TMEM236: variants seen among roughly 807,000 people sequenced by gnomAD.
TMEM236 encodes the protein transmembrane protein 236, also known as family with sequence similarity 23, member A.
TMEM236 carries 11 observed loss-of-function variants against 14.7 expected under a neutral mutation model. The ratio of observed to expected loss-of-function variants is 0.75; its 90% CI spans 0.47 to 1.24. TMEM236 has a LOEUF of 1.24. Ranked by LOEUF, TMEM236 falls within the 50% of genes most tolerant of loss-of-function variation. The pLI, the probability that TMEM236 is intolerant of heterozygous loss-of-function variation, is 0.00. For missense variants in TMEM236, 464 were observed against 427.3 expected, an observed-to-expected ratio of 1.09 and a Z score of -0.76; for synonymous variants, 182 against 168.6, an observed-to-expected ratio of 1.08 and a Z score of -0.62.
intron 3 of TMEM236, among the ~76,000 whole-genome samples, chr10:17,788,794 T>C (rs1334533372): frequency 1.3e-5 from 2 of 152,312 alleles, no homozygotes; most frequent in Admixed American, 1.3e-4. Flanking sequence ...AACAATCTCA[T>C]GCTTTCTGTA....
At chr10:17,773,150 T>C (rs1484394173) in intron 2 of TMEM236, among the ~76,000 whole-genome samples, 2 of 152,210 alleles carry the variant, frequency 1.3e-5, no homozygotes, top group African/African-American at 4.8e-5. Context: ...ATATGTCTTT[T>C]GGTGTGCATG....
chr10:17,761,535 A>C (rs1304886068), intron 1 of TMEM236, among the ~76,000 whole-genome samples: 1 of 152,046 alleles, frequency 6.6e-6, no homozygotes, highest in Non-Finnish European at 1.5e-5. Flanking sequence ...TCTACTAAAA[A>C]ATACAAAAGT....
At chr10:17,758,148 T>C (rs968126078) in intron 1 of TMEM236, among the ~76,000 whole-genome samples, 3 of 152,222 alleles carry the variant, frequency 2.0e-5, no homozygotes, top group South Asian at 2.1e-4. Context: ...TGGGGTAATA[T>C]ATAGGGTGTC....
chr10:17,781,025 C>T (rs2131757044), intron 3 of TMEM236, among the ~76,000 whole-genome samples: 1 of 152,264 alleles, frequency 6.6e-6, no homozygotes. Context: ...TGGCTGGTGC[C>T]ATGTTGCCTG....
At chr10:17,767,308 A>G (rs1309157984) in intron 1 of TMEM236, among the ~76,000 whole-genome samples, 1 of 152,112 alleles carries the variant, frequency 6.6e-6, no homozygotes, top group African/African-American at 2.4e-5. Flanking sequence ...TAAAAATACA[A>G]AAATTAGCCA....
At position 17,796,330 on chromosome 10, in the gene TMEM236, C is replaced by G; in HGVS notation, c.882C>G (p.Val294=). 1 of 1,613,960 alleles carries G rather than the reference C, an allele frequency of 6.2e-7. No individual in the cohort carries two copies. Among genetic ancestry groups the G allele is most frequent in the East Asian group, 2.2e-5 (1 of 44,886 alleles). ...ACCCTCTTCTCAATTCCCTGAGCGT[C>G]CTGCTGCAAGATTTACCATTCGTTT... ...PQNPLLNSLS[V]LLQDLPFVFV... is the part of the protein sequence containing the mutation. The change falls in exon 4 of 4, where the codon GTC becomes GTG. Residue 294 remains valine, a synonymous_variant. Transcript: ENST00000377495.
At chr10:17,762,371 C>T (rs1386873470) in intron 1 of TMEM236, among the ~76,000 whole-genome samples, 1 of 151,604 alleles carries the variant, frequency 6.6e-6, no homozygotes, top group African/African-American at 2.4e-5. Context: ...CTCAGTGACA[C>T]CCTGATGTCC....
At chr10:17,768,615 G>A (rs1300535483) in intron 1 of TMEM236, among the ~76,000 whole-genome samples, 2 of 152,024 alleles carry the variant, frequency 1.3e-5, no homozygotes, top group South Asian at 4.1e-4. Flanking sequence ...AGTCAGATAC[G>A]GTCCGGGCTT....
Position 17,784,825 on chromosome 10 carries a change from G to A in TMEM236, c.472+8655G>A, listed in dbSNP as rs974940751. Among the ~76,000 whole-genome samples the A allele has an allele frequency of 5.6e-3, 857 of 152,262 alleles. 13 individuals carry two copies. Among genetic ancestry groups the A allele is most frequent in the African/African-American group, 0.02 (815 of 41,548 alleles). On this transcript the variant is annotated intron_variant, in intron 3 of 3. Coordinates refer to ENST00000377495, the MANE Select transcript of TMEM236 (RefSeq NM_001098844.3). ...TAGAGGGGAGAGGACCCAAAAGAAT[G>A]GGGAAGCTCTGGGGTAACTGCTGTG... is the stretch of plus-strand genomic sequence containing the variant.
chr10:17,766,360 A>G (rs953392495), intron 1 of TMEM236, among the ~76,000 whole-genome samples: 41 of 152,296 alleles, frequency 2.7e-4, no homozygotes, highest in African/African-American at 8.9e-4. Flanking sequence ...CCAGTTTCCT[A>G]TAATATGTTC....
rs1212344998 is a variant in TMEM236 at position 17,796,958 on chromosome 10, C to T, written c.*454C>T. 1 of 173,160 alleles carries T rather than the reference C, an allele frequency of 5.8e-6. No individual in the cohort carries two copies. Among genetic ancestry groups the T allele is most frequent in the African/African-American group, 2.4e-5 (1 of 41,558 alleles). 10.7% of individuals were successfully genotyped at this position (173,160 alleles called of 1,614,324 possible). A position where few individuals can be genotyped will look rare whatever the true frequency, so the allele number is the denominator to read the frequency against. ...ATTGTGAACTGCGTATGCAAGGGAT[C>T]TAGCTTTCGCTCTTTAAGAAAATCT... is the stretch of plus-strand genomic sequence containing the variant. On this transcript the variant is annotated 3_prime_UTR_variant, in exon 4 of 4. Transcript: ENST00000377495.
rs1278668775 is a variant in TMEM236 at position 17,800,557 on chromosome 10, G to A, written c.*4053G>A. 2 of 152,064 alleles carry A rather than the reference G, an allele frequency of 1.3e-5. No homozygotes were observed. Among genetic ancestry groups the A allele is most frequent in the African/African-American group, 4.8e-5 (2 of 41,384 alleles). The allele number at this position is 152,064 out of a possible 1,614,324, so 9.4% of individuals were successfully genotyped here. A position where few individuals can be genotyped will look rare whatever the true frequency, so the allele number is the denominator to read the frequency against. ...TTTCACTGAATGACAATTGCAATGA[G>A]GCATAGGAAAGAAAAGGGAAATGAA... On this transcript the variant is annotated 3_prime_UTR_variant, in exon 4 of 4. Transcript: ENST00000377495.
In TMEM236 at chr10:17,752,413, G is replaced by A; in HGVS notation, c.118G>A (p.Ala40Thr). The change falls in exon 1 of 4, where the codon GCT becomes ACT. Residue 40 changes from alanine to threonine, a missense_variant. Physicochemically the swap from Ala to Thr is moderately conservative, Grantham distance 58 (BLOSUM62 0). Coordinates refer to ENST00000377495, the MANE Select transcript of TMEM236 (RefSeq NM_001098844.3). ...QFATAYQGTR[A>T]RSDNTHYWLI... Reference sequence around the variant, plus strand: ...TGCCACCGCCTACCAAGGAACAAGGGCTAGATCTGACAACACACACTACTG... The same window carrying A: ...TGCCACCGCCTACCAAGGAACAAGGACTAGATCTGACAACACACACTACTG... 6.2e-7 allele frequency: 1 copy of A among 1,613,898 alleles called. No individual in the cohort carries two copies. The highest frequency in any genetic ancestry group is 1.7e-5 in the Admixed American group (1 of 59,994).
In TMEM236 at chr10:17,752,213, C is replaced by A; in HGVS notation, c.-83C>A. Reference sequence around the variant, plus strand: ...GCGATTCGAGGACAAGGAACTTGATCCCAGTTCAGTGTCTGTGGGTCCATA... The same window carrying A: ...GCGATTCGAGGACAAGGAACTTGATACCAGTTCAGTGTCTGTGGGTCCATA... On this transcript the variant is annotated 5_prime_UTR_variant, in exon 1 of 4. Transcript: ENST00000377495. The A allele has an allele frequency of 6.2e-7, 1 of 1,607,588 alleles. No individual in the cohort carries two copies. Among genetic ancestry groups the A allele is most frequent in the Non-Finnish European group, 8.5e-7 (1 of 1,174,796 alleles).
rs1685021699 is a variant in TMEM236, at chr10:17,796,364, C to T, written c.916C>T (p.Leu306Phe). Residue 306 changes from leucine (L) to phenylalanine (F), a missense_variant, in exon 4 of 4, where the codon CTT becomes TTT. Physicochemically the swap from Leu to Phe is conservative, Grantham distance 22 (BLOSUM62 0). Coordinates refer to ENST00000377495, the MANE Select transcript of TMEM236 (RefSeq NM_001098844.3). ...LQDLPFVFVR[L>F]GLIIALGTIT... ...AGATTTACCATTCGTTTTTGTTAGA[C>T]TTGGTTTAATCATTGCCCTGGGGAC... 1.2e-6 allele frequency: 2 copies of T among 1,613,946 alleles called. No homozygotes were observed. The highest frequency in any genetic ancestry group is 2.2e-5 in the East Asian group (1 of 44,888).
intron 3 of TMEM236, among the ~76,000 whole-genome samples, chr10:17,781,676 G>T (rs1837751814): frequency 6.6e-6 from 1 of 151,026 alleles, no homozygotes; most frequent in African/African-American, 2.4e-5. Flanking sequence ...AACCCAGGAG[G>T]CGGAGATTGC....
At chr10:17,794,128 AT>A (rs1428389492) in intron 3 of TMEM236, among the ~76,000 whole-genome samples, 1 of 152,210 alleles carries the variant, frequency 6.6e-6, no homozygotes, top group Non-Finnish European at 1.5e-5. Context: ...TTAGAAATGT[AT>A]TGTGTCCTTT....
intron 1 of TMEM236, among the ~76,000 whole-genome samples, chr10:17,761,954 T>G (rs1837371707): frequency 6.6e-6 from 1 of 152,176 alleles, no homozygotes; most frequent in Non-Finnish European, 1.5e-5. Context: ...CCTATCACTA[T>G]ATAGCTCTCT....
Position 17,796,467 on chromosome 10 carries a change from T to A in TMEM236, c.1019T>A (p.Ile340Asn). The change falls in exon 4 of 4, where the codon ATC (isoleucine) becomes AAC (asparagine). Residue 340 changes from isoleucine to asparagine, a missense_variant. Coordinates refer to ENST00000377495, the MANE Select transcript of TMEM236 (RefSeq NM_001098844.3). ...ATTTACTTCAATTACCTAACCAGAATCAGGATTTTTTCTGCCTTTGAAATG... is the reference window on the plus strand; with the variant it reads ...ATTTACTTCAATTACCTAACCAGAAACAGGATTTTTTCTGCCTTTGAAATG... ...SYIYFNYLTR[I>N]RIFSAFEMSP... 4 of 1,613,700 alleles carry A rather than the reference T, an allele frequency of 2.5e-6. No homozygotes were observed. Among genetic ancestry groups the A allele is most frequent in the Admixed American group, 1.7e-5 (1 of 59,974 alleles).
Sources: allele counts gnomAD v4.1 joint callset (sites outside exome capture counted in the v4.1 genomes callset), GRCh38; gene constraint gnomAD v4.1.1; transcripts MANE v1.5; gene names NCBI Gene and HGNC (gene_info 2026-07-23, HGNC 2026-07-21).